ITGB3BP: variants seen among roughly 807,000 people sequenced by gnomAD.
The protein encoded by ITGB3BP is integrin subunit beta 3 binding protein, also known as centromere protein R.
ITGB3BP carries 27 observed loss-of-function variants against 29.1 expected under a neutral mutation model. The observed-to-expected ratio is 0.93, with a 90% CI of 0.68 to 1.28. The LOEUF (loss-of-function observed/expected upper bound fraction) is 1.28. Among genes scored for constraint, ITGB3BP ranks in the 50% most tolerant of loss-of-function variants. ITGB3BP has a pLI of 0.00. For missense variants in ITGB3BP, 192 were observed against 200.2 expected, an observed-to-expected ratio of 0.96 and a Z score of 0.25; for synonymous variants, 61 against 61.4, an observed-to-expected ratio of 0.99 and a Z score of 0.03.
intron 1 of ITGB3BP, among the ~76,000 whole-genome samples, chr1:63,513,735 T>C (rs1217369171): frequency 6.6e-6 from 1 of 152,158 alleles, no homozygotes; most frequent in Admixed American, 6.5e-5. Flanking sequence ...TTGAAATTCC[T>C]CCATCCAAAG....
chr1:63,511,305 T>C (rs1646194839), intron 1 of ITGB3BP, among the ~76,000 whole-genome samples: 1 of 152,096 alleles, frequency 6.6e-6, no homozygotes, highest in Admixed American at 6.6e-5. Flanking sequence ...TAAGTGTTGG[T>C]GAGGATGTAG....
At chr1:63,471,285 CAG>C (rs1284044840) in intron 4 of ITGB3BP, among the ~76,000 whole-genome samples, 3 of 120,578 alleles carry the variant, frequency 2.5e-5, no homozygotes, top group African/African-American at 6.4e-5. Context: ...TTTTTTGAGA[CAG>C]AGTCTCGCTC....
intron 4 of ITGB3BP, among the ~76,000 whole-genome samples, chr1:63,467,590 T>G (rs1645121854): frequency 6.6e-6 from 1 of 152,054 alleles, no homozygotes; most frequent in African/African-American, 2.4e-5. Context: ...AGGCTGGCCT[T>G]GAACTTCTGG....
chr1:63,463,624 A>ACAG (rs1428363137), intron 4 of ITGB3BP, among the ~76,000 whole-genome samples: 3 of 152,236 alleles, frequency 2.0e-5, no homozygotes, highest in Admixed American at 2.0e-4. Context: ...AATGCCAGCT[A>ACAG]CAGCAGCAGC....
At chr1:63,483,659 C>T (rs1289412477) in intron 3 of ITGB3BP, among the ~76,000 whole-genome samples, 1 of 152,108 alleles carries the variant, frequency 6.6e-6, no homozygotes, top group Non-Finnish European at 1.5e-5. Flanking sequence ...CAATAGTTTT[C>T]AATCATTCTT....
intron 2 of ITGB3BP, among the ~76,000 whole-genome samples, chr1:63,495,203 T>C (rs1645757248): frequency 6.6e-6 from 1 of 152,232 alleles, no homozygotes; most frequent in Admixed American, 6.5e-5. Context: ...ATGAATTTTG[T>C]ATATGAAGTG....
At chr1:63,521,259 TA>T (rs11451867) in intron 1 of ITGB3BP, among the ~76,000 whole-genome samples, 44 of 130,064 alleles carry the variant, frequency 3.4e-4, no homozygotes, top group African/African-American at 1.1e-3. Flanking sequence ...GTAACCACAT[TA>T]AAAAAAAAAA....
At chr1:63,449,302 G>A (rs1418713403) in intron 7 of ITGB3BP, 3 of 152,430 alleles carry the variant, frequency 2.0e-5, no homozygotes, top group African/African-American at 7.2e-5. Flanking sequence ...ATGTCTGATA[G>A]CAAGTTATTT....
Position 63,510,567 on chromosome 1 carries a change from C to G in ITGB3BP, c.6-1997G>C, listed in dbSNP as rs556745632. On this transcript the variant is annotated intron_variant, in intron 1 of 8. Transcript: ENST00000271002. ...TGTACTATTCAGATAATTCGGACAT[C>G]TAATAACCAAAAGTTATAATACTTA... is the stretch of plus-strand genomic sequence containing the variant. Among the ~76,000 whole-genome samples, 3 of 152,214 alleles carry G rather than the reference C, an allele frequency of 2.0e-5. No individual in the cohort carries two copies. The East Asian group carries it at 5.8e-4, about 29-fold the overall frequency.
intron 1 of ITGB3BP, among the ~76,000 whole-genome samples, chr1:63,513,862 C>T (rs1414111981): frequency 1.3e-5 from 2 of 152,166 alleles, no homozygotes; most frequent in Non-Finnish European, 2.9e-5. Flanking sequence ...AAATCTCTTA[C>T]TCAAGTTCAG....
At chr1:63,503,831 A>G (rs1045474828) in intron 2 of ITGB3BP, among the ~76,000 whole-genome samples, 10 of 152,076 alleles carry the variant, frequency 6.6e-5, no homozygotes, top group Non-Finnish European at 1.5e-4. Context: ...GTAGATATGC[A>G]GCATTATTTC....
chr1:63,524,656 C>T (rs1042551429), upstream of ITGB3BP, among the ~76,000 whole-genome samples: 5 of 152,076 alleles, frequency 3.3e-5, no homozygotes, highest in African/African-American at 1.2e-4. Flanking sequence ...GCTGTTAGAC[C>T]ACCAGTAGAA....
chr1:63,454,055 G>T lies in ITGB3BP; in HGVS notation c.428-81C>A. On this transcript the variant is annotated intron_variant, in intron 6 of 8. Coordinates refer to ENST00000271002, the MANE Select transcript of ITGB3BP (RefSeq NM_014288.5). This position sits in a 1 kb window ranked among gnomAD's most constrained non-coding sequence, Gnocchi z 4.1. Reference sequence around the variant, plus strand: ...CAATACTTGCAACAAACAACTTCATGAGAAAAAAATAATTCAAAATAATAC... The same window carrying T: ...CAATACTTGCAACAAACAACTTCATTAGAAAAAAATAATTCAAAATAATAC... 1 of 728,274 alleles carries T rather than the reference G, an allele frequency of 1.4e-6. No homozygotes were observed. The highest frequency in any genetic ancestry group is 1.8e-5 in the South Asian group (1 of 54,772). The allele number at this position is 728,274 out of a possible 1,614,324, so 45.1% of individuals were successfully genotyped here.
In ITGB3BP at chr1:63,490,250, A is replaced by G. The variant is rs758902941; in HGVS notation, c.49-32T>C. On this transcript the variant is annotated intron_variant, in intron 2 of 8. Coordinates refer to ENST00000271002, the MANE Select transcript of ITGB3BP (RefSeq NM_014288.5). The stretch of plus-strand genomic sequence containing the variant: ...ATAAATAATAATTAAGGACAGAAAT[A>G]GCTATGTTTAGTTATAGATCTTTGA... The G allele has an allele frequency of 6.9e-6, 10 of 1,445,074 alleles. No homozygotes were observed. The South Asian group carries it at 8.5e-5, about 12-fold the overall frequency. 89.5% of individuals were successfully genotyped at this position (1,445,074 alleles called of 1,614,324 possible).
upstream of ITGB3BP, among the ~76,000 whole-genome samples, chr1:63,524,337 C>T (rs1366333919): frequency 6.6e-6 from 1 of 152,172 alleles, no homozygotes; most frequent in Non-Finnish European, 1.5e-5. Context: ...TTGCAGTAAC[C>T]AGACTGTGAC....
intron 1 of ITGB3BP, chr1:63,510,324 C>G (rs1646173386): frequency 2.6e-6 from 1 of 381,088 alleles, no homozygotes. Context: ...CTGATATTAA[C>G]TGTTCAAAAT....
intron 2 of ITGB3BP, among the ~76,000 whole-genome samples, chr1:63,507,275 G>C (rs912394397): frequency 6.6e-6 from 1 of 152,136 alleles, no homozygotes; most frequent in Admixed American, 6.5e-5. Context: ...TCTGTTGAAA[G>C]GTACAGAACT....
chr1:63,485,478 A>AT (rs902493792), intron 3 of ITGB3BP, among the ~76,000 whole-genome samples: 26 of 145,700 alleles, frequency 1.8e-4, no homozygotes, highest in African/African-American at 4.8e-4. Flanking sequence ...CTGCCCTCCA[A>AT]TTTTTTTTTC....
intron 3 of ITGB3BP, among the ~76,000 whole-genome samples, chr1:63,488,671 G>A (rs905254719): frequency 1.3e-5 from 2 of 151,798 alleles, no homozygotes; most frequent in African/African-American, 4.8e-5. Flanking sequence ...CAGAATTCTG[G>A]ACAAAATTCT....
Sources: allele counts gnomAD v4.1 joint callset (sites outside exome capture counted in the v4.1 genomes callset), GRCh38; gene constraint gnomAD v4.1.1; non-coding constraint Gnocchi (gnomAD v3.1); transcripts MANE v1.5; gene names NCBI Gene and HGNC (gene_info 2026-07-23, HGNC 2026-07-21).